Variants in SFXN5 observed in about 807,000 individuals in gnomAD.
The protein encoded by SFXN5 is sideroflexin 5.
Under a neutral mutation model 50.2 loss-of-function variants are expected in SFXN5, and 43 were observed. That is an observed-to-expected ratio of 0.86 (90% CI 0.67 to 1.11). The LOEUF is 1.11. SFXN5 is among the 50% of genes least tolerant of loss of function. The pLI, the probability that SFXN5 is intolerant of heterozygous loss-of-function variation, is 0.00. For missense variants in SFXN5, 463 were observed against 454.1 expected (o/e 1.02, Z -0.18); for synonymous variants, 203 against 185.8 (o/e 1.09, Z -0.75).
chr2:73,064,752 C>T (rs1235748200), intron 1 of SFXN5, among the ~76,000 whole-genome samples: 1 of 152,194 alleles, frequency 6.6e-6, no homozygotes, highest in African/African-American at 2.4e-5. Context: ...CCCCAGTCAT[C>T]TCAGCAGATA....
intron 13 of SFXN5, among the ~76,000 whole-genome samples, chr2:72,951,266 CAG>C (rs1200645988): frequency 3.3e-5 from 5 of 152,180 alleles, no homozygotes; most frequent in African/African-American, 1.2e-4. Flanking sequence ...CTCTCCGTAT[CAG>C]AGTGCCACCC....
At chr2:72,967,139 G>A (rs571214293) in intron 12 of SFXN5, 5 of 152,360 alleles carry the variant, frequency 3.3e-5, no homozygotes, top group African/African-American at 1.2e-4. Flanking sequence ...CTCCTCAGCT[G>A]TAGAATGAGG....
rs781648239 is a variant in SFXN5 at position 72,944,982 on chromosome 2, C to T, written c.*40G>A. On this transcript the variant is annotated 3_prime_UTR_variant, in exon 14 of 14. Transcript: ENST00000272433. ...GTCTACGGCCCTGCCCCTCAGCTCC[C>T]CGGCTGCACAGTGCTCCGTCCCCAG... The T allele has an allele frequency of 1.3e-6, 2 of 1,595,704 alleles. No homozygotes were observed. Among genetic ancestry groups the T allele is most frequent in the South Asian group, 2.2e-5 (2 of 89,462 alleles).
rs969017607 is a variant in SFXN5, at chr2:72,985,557, A to C, written c.625+2701T>G. ...TGGACATAGGGACTAGAGAGATGGA[A>C]GCCTGTGGGGGGGTGGGAGGGGAGA... On this transcript the variant is annotated intron_variant, in intron 10 of 13. Coordinates refer to ENST00000272433, the MANE Select transcript of SFXN5 (RefSeq NM_144579.3). Among the ~76,000 whole-genome samples the C allele has an allele frequency of 1.8e-4, 18 of 101,726 alleles. No individual in the cohort carries two copies. In the Admixed American group the frequency reaches 2.3e-3, roughly 13 times the overall value. The allele number at this position is 101,726 out of a possible 152,430, so 66.7% of individuals were successfully genotyped here. A position where few individuals can be genotyped will look rare whatever the true frequency, so the allele number is the denominator to read the frequency against.
intron 10 of SFXN5, among the ~76,000 whole-genome samples, chr2:72,974,858 A>G (rs1292802370): frequency 2.0e-4 from 31 of 151,682 alleles, no homozygotes; most frequent in African/African-American, 6.5e-4. Context: ...AGAGAGAGAA[A>G]AAAAAAAAAA....
At position 72,973,999 on chromosome 2, in the gene SFXN5, G is replaced by A. The variant is rs897028499; in HGVS notation, c.626-2314C>T. On this transcript the variant is annotated intron_variant, in intron 10 of 13. Coordinates refer to ENST00000272433, the MANE Select transcript of SFXN5 (RefSeq NM_144579.3). This position sits in a 1 kb window ranked among gnomAD's most constrained non-coding sequence, Gnocchi z 5.5. ...GTTACAGGAATGTGGTCCAGGAGACGAGCATCCTGCTAAAGTCAGGAGCTA... is the reference window on the plus strand; with the variant it reads ...GTTACAGGAATGTGGTCCAGGAGACAAGCATCCTGCTAAAGTCAGGAGCTA... Among the ~76,000 whole-genome samples the A allele has an allele frequency of 6.6e-6, 1 of 152,210 alleles. No individual in the cohort carries two copies.
At chr2:73,066,609 T>C (rs1683196274) in intron 1 of SFXN5, among the ~76,000 whole-genome samples, 1 of 151,624 alleles carries the variant, frequency 6.6e-6, no homozygotes, top group African/African-American at 2.4e-5. Context: ...GGTAATAATA[T>C]GTGGGACTTA....
At chr2:72,993,352 G>A (rs1027103812) in intron 9 of SFXN5, among the ~76,000 whole-genome samples, 2 of 152,154 alleles carry the variant, frequency 1.3e-5, no homozygotes, top group African/African-American at 4.8e-5. Context: ...CCAGCCTGCC[G>A]CTTGGCAATG....
chr2:73,034,995 C>T (rs1678790600), intron 3 of SFXN5, among the ~76,000 whole-genome samples: 1 of 152,148 alleles, frequency 6.6e-6, no homozygotes, highest in Non-Finnish European at 1.5e-5. Flanking sequence ...TCTAAGAGGC[C>T]CAGTGTCAGA....
At chr2:73,061,346 TAGG>T (rs1682791692) in intron 1 of SFXN5, among the ~76,000 whole-genome samples, 1 of 150,994 alleles carries the variant, frequency 6.6e-6, no homozygotes, top group Non-Finnish European at 1.5e-5. Flanking sequence ...TCTGATGTAT[TAGG>T]AGATGAATGA....
intron 3 of SFXN5, among the ~76,000 whole-genome samples, chr2:73,036,512 TC>T (rs1679004437): frequency 6.6e-6 from 1 of 151,958 alleles, no homozygotes; most frequent in African/African-American, 2.4e-5. Flanking sequence ...TCCACCCAGT[TC>T]CCCTCCTCCT....
chr2:73,039,317 C>T (rs1217447716), intron 3 of SFXN5, among the ~76,000 whole-genome samples: 5 of 152,012 alleles, frequency 3.3e-5, no homozygotes, highest in Non-Finnish European at 5.9e-5. Context: ...ATTGAAAGGC[C>T]GCGGGAGGGT....
At chr2:72,959,273 C>T (rs578051399) in intron 13 of SFXN5, among the ~76,000 whole-genome samples, 4 of 152,256 alleles carry the variant, frequency 2.6e-5, no homozygotes, top group South Asian at 2.1e-4. Context: ...TCCAACCCAG[C>T]GTGGATCCCG....
At chr2:73,007,140 G>A (rs1380073455) in intron 6 of SFXN5, among the ~76,000 whole-genome samples, 3 of 152,170 alleles carry the variant, frequency 2.0e-5, no homozygotes, top group Non-Finnish European at 4.4e-5. Flanking sequence ...GGAGGGGTAA[G>A]GCCACTGCCA....
chr2:72,977,613 C>T (rs1176105088), intron 10 of SFXN5, among the ~76,000 whole-genome samples: 1 of 152,144 alleles, frequency 6.6e-6, no homozygotes, highest in East Asian at 1.9e-4. Context: ...CAACATGGTG[C>T]CTTCTGTCAT....
intron 3 of SFXN5, among the ~76,000 whole-genome samples, chr2:73,026,850 T>C (rs1334030384): frequency 6.6e-6 from 1 of 152,144 alleles, no homozygotes; most frequent in Non-Finnish European, 1.5e-5. Flanking sequence ...TGCCTCAGCC[T>C]CCCGAGTAGC....
chr2:73,003,605 T>G (rs1015479644), intron 6 of SFXN5, among the ~76,000 whole-genome samples: 1 of 152,222 alleles, frequency 6.6e-6, no homozygotes, highest in Non-Finnish European at 1.5e-5. Flanking sequence ...CACAGCCCCA[T>G]CTGCCAAGTG....
intron 1 of SFXN5, among the ~76,000 whole-genome samples, chr2:73,061,747 T>C (rs1682823414): frequency 6.6e-6 from 1 of 150,748 alleles, no homozygotes; most frequent in Non-Finnish European, 1.5e-5. Flanking sequence ...GATCTTTAAA[T>C]TGCTTTTGAA....
At chr2:73,016,975 A>T (rs1277526957) in intron 6 of SFXN5, among the ~76,000 whole-genome samples, 1 of 152,198 alleles carries the variant, frequency 6.6e-6, no homozygotes, top group African/African-American at 2.4e-5. Context: ...GCTGACTGGG[A>T]GCTGCACTGC....
Sources: gnomAD v4.1 joint callset for allele counts (sites outside exome capture counted in the v4.1 genomes callset) on GRCh38, gnomAD v4.1.1 for gene constraint, Gnocchi (gnomAD v3.1) non-coding constraint, MANE v1.5 for transcripts, NCBI Gene and HGNC (gene_info 2026-07-23, HGNC 2026-07-21) for gene names.